UXS1: variants seen among roughly 807,000 people sequenced by gnomAD.
UXS1 encodes the protein UDP-glucuronate decarboxylase 1.
A neutral mutation model predicts 62.6 loss-of-function variants in UXS1; 33 were observed. The ratio of observed to expected loss-of-function variants is 0.53; its 90% CI spans 0.40 to 0.70. The LOEUF is 0.70. Ranked by LOEUF, UXS1 falls within the 30% of genes least tolerant of loss-of-function variation. UXS1 has a pLI of 0.00. For synonymous variants in UXS1, 213 were observed against 206.8 expected (o/e 1.03, Z -0.26); for missense variants, 434 against 556.3 (o/e 0.78, Z 2.21).
intron 8 of UXS1, among the ~76,000 whole-genome samples, chr2:106,124,632 A>G (rs1679780292): frequency 6.6e-6 from 1 of 152,172 alleles, no homozygotes; most frequent in Non-Finnish European, 1.5e-5. Flanking sequence ...GCAGATAATA[A>G]ATGAGATGAG....
At chr2:106,137,837 A>T (rs1573484770) in intron 6 of UXS1, among the ~76,000 whole-genome samples, 1 of 152,224 alleles carries the variant, frequency 6.6e-6, no homozygotes, top group East Asian at 1.9e-4. Flanking sequence ...TAAAATTTTA[A>T]AAAATGAACC....
Position 106,158,126 on chromosome 2 carries a change from A to G in UXS1, c.231-8T>C. 6.4e-7 allele frequency: 1 copy of G among 1,552,570 alleles called. No homozygotes were observed. Among genetic ancestry groups the G allele is most frequent in the Non-Finnish European group, 8.7e-7 (1 of 1,145,728 alleles). Reference sequence around the variant, plus strand: ...GGGTATTTCTGGGTAAAGCTGTATAATATAAAGAGATTCAAAAGGAAAAAG... The same window carrying G: ...GGGTATTTCTGGGTAAAGCTGTATAGTATAAAGAGATTCAAAAGGAAAAAG... On this transcript the variant is annotated splice_polypyrimidine_tract_variant and splice_region_variant and intron_variant, in intron 4 of 14. Transcript: ENST00000283148.
intron 9 of UXS1, among the ~76,000 whole-genome samples, chr2:106,116,976 T>C (rs1266979970): frequency 6.6e-6 from 1 of 152,194 alleles, no homozygotes; most frequent in African/African-American, 2.4e-5. Context: ...CCCCAAATAA[T>C]ATCATTTCAT....
chr2:106,154,262 CA>C (rs1682257812), intron 5 of UXS1, among the ~76,000 whole-genome samples: 1 of 152,262 alleles, frequency 6.6e-6, no homozygotes, highest in East Asian at 1.9e-4. Context: ...TGCACACAGA[CA>C]CATCATTCTA....
intron 5 of UXS1, among the ~76,000 whole-genome samples, chr2:106,154,999 G>A (rs1468652190): frequency 6.6e-6 from 1 of 152,160 alleles, no homozygotes; most frequent in East Asian, 1.9e-4. Flanking sequence ...AGGCTAAGGG[G>A]GAGCAGGCAT....
chr2:106,147,341 G>A (rs1322828930), intron 5 of UXS1, among the ~76,000 whole-genome samples: 2 of 152,144 alleles, frequency 1.3e-5, no homozygotes, highest in Non-Finnish European at 2.9e-5. Flanking sequence ...CAGGACCTAG[G>A]GTCGTGCCAG....
At chr2:106,164,552 T>A (rs1174482530) in intron 3 of UXS1, among the ~76,000 whole-genome samples, 184 bp downstream of exon 3, 4 of 152,190 alleles carry the variant, frequency 2.6e-5, no homozygotes, top group Non-Finnish European at 5.9e-5. Context: ...TTTTAATACA[T>A]CAAAAATGGA....
chr2:106,124,795 T>G (rs1320782717), intron 8 of UXS1, among the ~76,000 whole-genome samples: 1 of 152,184 alleles, frequency 6.6e-6, no homozygotes, highest in Non-Finnish European at 1.5e-5. Flanking sequence ...TTCATAGAGA[T>G]TACAAAGAAT....
Position 106,104,839 on chromosome 2 carries a change from T to C in UXS1, c.880-2A>G. On this transcript the variant is annotated splice_acceptor_variant, in intron 10 of 14. Transcript: ENST00000283148. LOFTEE classifies it high-confidence loss of function. ...TGTCTGAGACCCGGATCCGTATACCTGGAAGGAAACCAACAGTTAGGCCTC... is the reference window on the plus strand; with the variant it reads ...TGTCTGAGACCCGGATCCGTATACCCGGAAGGAAACCAACAGTTAGGCCTC... 6.2e-7 allele frequency: 1 copy of C among 1,613,950 alleles called. No homozygotes were observed. Among genetic ancestry groups the C allele is most frequent in the Non-Finnish European group, 8.5e-7 (1 of 1,179,878 alleles).
At chr2:106,126,217 C>T (rs545097924) in intron 7 of UXS1, among the ~76,000 whole-genome samples, 193 of 152,306 alleles carry the variant, frequency 1.3e-3, no homozygotes, top group African/African-American at 4.4e-3. Context: ...CTGCTCTGAA[C>T]CCCTTTCCTG....
intron 13 of UXS1, among the ~76,000 whole-genome samples, chr2:106,098,129 C>T (rs1253816503): frequency 6.6e-6 from 1 of 152,194 alleles, no homozygotes. Context: ...ACAACAGACA[C>T]CCTCCAAGAG....
intron 5 of UXS1, among the ~76,000 whole-genome samples, chr2:106,156,458 T>C (rs1682431630): frequency 6.6e-6 from 1 of 152,204 alleles, no homozygotes; most frequent in Admixed American, 6.5e-5. Context: ...ATGGCGCAGC[T>C]GCTCTGGCAA....
intron 8 of UXS1, 44 bp downstream of exon 8, chr2:106,125,575 TC>T: frequency 6.6e-7 from 1 of 1,511,140 alleles, no homozygotes; most frequent in Non-Finnish European, 8.9e-7. Flanking sequence ...ATGAAAACAG[TC>T]CAAGGGCTGG....
chr2:106,155,673 A>C (rs1243212627), intron 5 of UXS1, among the ~76,000 whole-genome samples: 1 of 152,162 alleles, frequency 6.6e-6, no homozygotes, highest in Non-Finnish European at 1.5e-5. Flanking sequence ...GTGTAAGTCC[A>C]CTCTATGATG....
chr2:106,115,305 C>T (rs1678972527), intron 9 of UXS1, among the ~76,000 whole-genome samples: 3 of 152,220 alleles, frequency 2.0e-5, no homozygotes, highest in Admixed American at 6.5e-5. Context: ...TAAGGAAGAG[C>T]CCACCTCTGA....
chr2:106,112,802 C>T lies in UXS1; in HGVS notation c.760-37G>A, dbSNP rs185397572. The T allele has an allele frequency of 8.8e-4, 1,403 of 1,600,910 alleles. 1 individual carries two copies. The highest frequency in any genetic ancestry group is 1.2e-3 in the Admixed American group (70 of 58,734). On this transcript the variant is annotated intron_variant, in intron 9 of 14. Coordinates refer to ENST00000283148, the MANE Select transcript of UXS1 (RefSeq NM_001253875.2). ...AGAAGAGGAGGTCAGGTGTGCTCCCCTGTGTGGTCCACGCATCCACTTTGC... is the reference window on the plus strand; with the variant it reads ...AGAAGAGGAGGTCAGGTGTGCTCCCTTGTGTGGTCCACGCATCCACTTTGC...
chr2:106,163,582 A>C (rs1683035691), intron 4 of UXS1, 85 bp downstream of exon 4: 27 of 863,846 alleles, frequency 3.1e-5, no homozygotes, highest in Non-Finnish European at 4.0e-5. Flanking sequence ...AGGTTGGCAG[A>C]GTTTGGAGCA....
At chr2:106,167,526 A>G (rs1683282885) in intron 1 of UXS1, among the ~76,000 whole-genome samples, 1 of 152,248 alleles carries the variant, frequency 6.6e-6, no homozygotes, top group South Asian at 2.1e-4. Flanking sequence ...ACACCCCCAC[A>G]TGAAATTCCC....
intron 1 of UXS1, chr2:106,179,719 C>A (rs1376218538): frequency 6.6e-6 from 1 of 152,210 alleles, no homozygotes; most frequent in East Asian, 1.9e-4. Flanking sequence ...TCATACAAAG[C>A]CTTCTTTTTG....
Sources: gnomAD v4.1 joint callset for allele counts (sites outside exome capture counted in the v4.1 genomes callset) on GRCh38, gnomAD v4.1.1 for gene constraint, MANE v1.5 for transcripts, NCBI Gene and HGNC (gene_info 2026-07-23, HGNC 2026-07-21) for gene names.